Variants in CAMTA1 observed in about 807,000 individuals in gnomAD.
The protein encoded by CAMTA1 is calmodulin binding transcription activator 1.
A neutral mutation model predicts 170.9 loss-of-function variants in CAMTA1; 27 were observed. The ratio of observed to expected loss-of-function variants is 0.16; its 90% CI spans 0.12 to 0.22. CAMTA1 has a LOEUF of 0.22. Among genes scored for constraint, CAMTA1 ranks in the 10% least tolerant of loss-of-function variants. The probability of loss-of-function intolerance (pLI) is 1.00; values close to 1 mark genes in which losing one functional copy is unlikely to be tolerated. For synonymous variants in CAMTA1, 833 were observed against 891.5 expected, an observed-to-expected ratio of 0.93 and a Z score of 1.17; for missense variants, 1,619 against 2,217.2, an observed-to-expected ratio of 0.73 and a Z score of 5.42.
intron 6 of CAMTA1, among the ~76,000 whole-genome samples, chr1:7,518,413 C>T (rs188046446): frequency 1.3e-5 from 2 of 152,030 alleles, no homozygotes; most frequent in Admixed American, 6.5e-5. Context: ...CCCAGTGACA[C>T]CCCCAAGGTC....
In CAMTA1 at chr1:7,456,977, G is replaced by C. The variant is rs554115432; in HGVS notation, c.439-10853G>C. ...AGTGGAGCGAGGCCCAGCAGAGTTCGGCGCCGCCCTCCCGTTCCTCCTCCC... is the reference window on the plus strand; with the variant it reads ...AGTGGAGCGAGGCCCAGCAGAGTTCCGCGCCGCCCTCCCGTTCCTCCTCCC... On this transcript the variant is annotated intron_variant, in intron 5 of 22. Transcript: ENST00000303635. The surrounding 1 kb of genome is among the most constrained non-coding windows in gnomAD (Gnocchi z 4.9). Among the ~76,000 whole-genome samples the C allele has an allele frequency of 6.6e-6, 1 of 151,424 alleles. No homozygotes were observed. The highest frequency in any genetic ancestry group is 2.0e-4 in the East Asian group (1 of 5,116).
At chr1:7,342,832 C>G (rs1347396916) in intron 5 of CAMTA1, among the ~76,000 whole-genome samples, 3 of 152,180 alleles carry the variant, frequency 2.0e-5, no homozygotes, top group African/African-American at 7.2e-5. Context: ...GGCCAGTGGG[C>G]AAACTATTCA....
At chr1:7,222,462 G>A (rs1317334169) in intron 4 of CAMTA1, among the ~76,000 whole-genome samples, 3 of 152,092 alleles carry the variant, frequency 2.0e-5, no homozygotes, top group Admixed American at 6.6e-5. Flanking sequence ...CTACAAAATA[G>A]GATATTATTT....
intron 4 of CAMTA1, among the ~76,000 whole-genome samples, chr1:7,218,562 C>T (rs1195542211): frequency 6.6e-6 from 1 of 152,130 alleles, no homozygotes; most frequent in African/African-American, 2.4e-5. Context: ...CTTCTCCCTC[C>T]CTCCCCTGCA....
At position 7,107,768 on chromosome 1, in the gene CAMTA1, C is replaced by G. The variant is rs543041722; in HGVS notation, c.302+16397C>G. 2.7e-4 allele frequency among the ~76,000 whole-genome samples: 41 copies of G among 152,288 alleles called. No individual in the cohort carries two copies. In the East Asian group the frequency reaches 2.7e-3, roughly 10 times the overall value. On this transcript the variant is annotated intron_variant, in intron 4 of 22. Coordinates refer to ENST00000303635, the MANE Select transcript of CAMTA1 (RefSeq NM_015215.4). ...AGCCTAGCCCCCATTTAGTGAGTGTCTAGATGGGCACTGCGAGGCTAGAGG... is the reference window on the plus strand; with the variant it reads ...AGCCTAGCCCCCATTTAGTGAGTGTGTAGATGGGCACTGCGAGGCTAGAGG...
At chr1:6,969,634 C>A (rs1311448266) in intron 3 of CAMTA1, among the ~76,000 whole-genome samples, 1 of 152,130 alleles carries the variant, frequency 6.6e-6, no homozygotes, top group Non-Finnish European at 1.5e-5. Flanking sequence ...TGGGCACCTA[C>A]CTTTGGGGTT....
chr1:7,132,807 T>A (rs1645340163), intron 4 of CAMTA1, among the ~76,000 whole-genome samples: 1 of 152,224 alleles, frequency 6.6e-6, no homozygotes, highest in East Asian at 1.9e-4. Context: ...TGCTGTGAGT[T>A]TTTTTCATGA....
intron 5 of CAMTA1, among the ~76,000 whole-genome samples, chr1:7,429,998 C>T (rs150698228): frequency 2.1e-4 from 32 of 152,244 alleles, no homozygotes; most frequent in African/African-American, 5.3e-4. Flanking sequence ...CCCTATGATC[C>T]GATCACCTCC....
chr1:6,836,457 G>C (rs1042213569), intron 3 of CAMTA1, among the ~76,000 whole-genome samples: 3 of 152,156 alleles, frequency 2.0e-5, no homozygotes, highest in Non-Finnish European at 2.9e-5. Context: ...TCTGGCGAAG[G>C]GGGTAGACTT....
At chr1:7,317,683 G>A (rs1677731272) in intron 5 of CAMTA1, among the ~76,000 whole-genome samples, 1 of 152,220 alleles carries the variant, frequency 6.6e-6, no homozygotes, top group Admixed American at 6.5e-5. Context: ...CCACACGCAG[G>A]TGTCCTGTCT....
chr1:7,722,984 T>C (rs896014191), intron 11 of CAMTA1, among the ~76,000 whole-genome samples: 3 of 152,240 alleles, frequency 2.0e-5, no homozygotes, highest in African/African-American at 7.2e-5. Context: ...CACAGAGACA[T>C]CAGTAGGAAC....
At chr1:6,967,316 G>T (rs1368532729) in intron 3 of CAMTA1, among the ~76,000 whole-genome samples, 1 of 151,674 alleles carries the variant, frequency 6.6e-6, no homozygotes, top group African/African-American at 2.4e-5. Flanking sequence ...TGGAGTTCTA[G>T]ATTGAGGGAG....
At chr1:7,564,903 C>A (rs1253722940) in intron 6 of CAMTA1, among the ~76,000 whole-genome samples, 3 of 151,100 alleles carry the variant, frequency 2.0e-5, no homozygotes, top group Non-Finnish European at 4.4e-5. Context: ...AAAAAATAGT[C>A]AAGGAGAAGG....
At chr1:7,118,755 G>A (rs997242277) in intron 4 of CAMTA1, among the ~76,000 whole-genome samples, 7 of 152,208 alleles carry the variant, frequency 4.6e-5, no homozygotes, top group African/African-American at 7.2e-5. Context: ...CACACCCTGA[G>A]TGGGGAATAT....
intron 4 of CAMTA1, among the ~76,000 whole-genome samples, chr1:7,138,992 C>A (rs1300296175): frequency 1.5e-5 from 2 of 137,018 alleles, no homozygotes; most frequent in Admixed American, 7.7e-5. Context: ...AAGACTCTGT[C>A]TCAAAAAAAT....
chr1:7,073,198 A>G (rs772380548), intron 3 of CAMTA1, among the ~76,000 whole-genome samples: 2 of 152,194 alleles, frequency 1.3e-5, no homozygotes, highest in Non-Finnish European at 2.9e-5. Flanking sequence ...GGCCAGAGTC[A>G]CTGGCAGGGT....
intron 6 of CAMTA1, among the ~76,000 whole-genome samples, chr1:7,625,169 T>C (rs1017088586): frequency 6.6e-6 from 1 of 152,082 alleles, no homozygotes; most frequent in African/African-American, 2.4e-5. Context: ...AGCTGGGACT[T>C]GGGAAGATGG....
At chr1:6,913,810 A>T (rs976956107) in intron 3 of CAMTA1, among the ~76,000 whole-genome samples, 1 of 151,836 alleles carries the variant, frequency 6.6e-6, no homozygotes, top group African/African-American at 2.4e-5. Context: ...AGGATGTTTG[A>T]AAGGTAGAGA....
intron 3 of CAMTA1, among the ~76,000 whole-genome samples, chr1:6,868,320 AAAAC>A (rs1196210161): frequency 8.1e-5 from 11 of 136,462 alleles, no homozygotes; most frequent in African/African-American, 2.1e-4. Flanking sequence ...TTTTTTTTTA[AAAAC>A]AAAACAAAAC....
Sources: allele counts gnomAD v4.1 joint callset (sites outside exome capture counted in the v4.1 genomes callset), GRCh38; gene constraint gnomAD v4.1.1; non-coding constraint Gnocchi (gnomAD v3.1); transcripts MANE v1.5; gene names NCBI Gene and HGNC (gene_info 2026-07-23, HGNC 2026-07-21).